The following TRAPPC11 variants were observed in gnomAD, a reference collection of about 807,000 sequenced individuals.
TRAPPC11 encodes trafficking protein particle complex subunit 11.
In TRAPPC11, 104 loss-of-function variants were observed where a neutral mutation model predicts 151.2. That is an observed-to-expected ratio of 0.69 (90% CI 0.59 to 0.81). TRAPPC11 has a LOEUF of 0.81. Among genes scored for constraint, TRAPPC11 ranks in the 30% least tolerant of loss-of-function variants. TRAPPC11 has a pLI of 0.00. For synonymous variants in TRAPPC11, 456 were observed against 472.3 expected (o/e 0.97, Z 0.45); for missense variants, 1,230 against 1,349.6 (o/e 0.91, Z 1.39).
chr4:183,659,638 A>G (rs1333808251), intron 1 of TRAPPC11, among the ~76,000 whole-genome samples, 191 bp downstream of exon 1: 1 of 152,240 alleles, frequency 6.6e-6, no homozygotes, highest in African/African-American at 2.4e-5. Context: ...CGGGGGAATA[A>G]GAGGAGGAAG....
At chr4:183,662,642 ATAAAT>A (rs1734616668) in intron 1 of TRAPPC11, among the ~76,000 whole-genome samples, 3 of 152,196 alleles carry the variant, frequency 2.0e-5, no homozygotes, top group Non-Finnish European at 4.4e-5. Context: ...AGATAATTAC[ATAAAT>A]TAAAGGCTAT....
intron 18 of TRAPPC11, among the ~76,000 whole-genome samples, chr4:183,687,626 G>A (rs1359876926): frequency 1.3e-5 from 2 of 151,984 alleles, no homozygotes; most frequent in Admixed American, 6.6e-5. Context: ...ATCACATCTG[G>A]CCTTAAATTT....
At chr4:183,665,448 G>A (rs1287072144) in intron 2 of TRAPPC11, among the ~76,000 whole-genome samples, 1 of 152,166 alleles carries the variant, frequency 6.6e-6, no homozygotes, top group Non-Finnish European at 1.5e-5. Context: ...AGGGAGCCCA[G>A]CACAAGCCCT....
chr4:183,705,352 TA>T (rs1737003963), intron 27 of TRAPPC11, among the ~76,000 whole-genome samples: 1 of 152,220 alleles, frequency 6.6e-6, no homozygotes, highest in Admixed American at 6.5e-5. Flanking sequence ...ATCACCTCTT[TA>T]AAAATTAGCA....
chr4:183,678,914 A>G (rs1320979129), intron 8 of TRAPPC11, among the ~76,000 whole-genome samples: 1 of 152,208 alleles, frequency 6.6e-6, no homozygotes, highest in Non-Finnish European at 1.5e-5. Context: ...ATTTTCAAGA[A>G]TTTCTGTAAT....
At chr4:183,706,685 G>C in intron 27 of TRAPPC11, 122 bp from the exon 28 acceptor site, 1 of 1,068,090 alleles carries the variant, frequency 9.4e-7, no homozygotes, top group South Asian at 1.7e-5. Context: ...TCCGGCAAGA[G>C]TACAGTAACG....
intron 23 of TRAPPC11, among the ~76,000 whole-genome samples, 190 bp downstream of exon 23, chr4:183,694,913 C>G (rs1026076279): frequency 4.7e-5 from 7 of 149,180 alleles, no homozygotes; most frequent in Non-Finnish European, 7.4e-5. Flanking sequence ...ACTGCTCAAA[C>G]ATTAAACAGA....
chr4:183,659,806 C>A (rs1425111614), intron 1 of TRAPPC11, among the ~76,000 whole-genome samples: 1 of 152,168 alleles, frequency 6.6e-6, no homozygotes, highest in African/African-American at 2.4e-5. Flanking sequence ...CACTGTCGTT[C>A]CTCTTTTGTT....
intron 10 of TRAPPC11, among the ~76,000 whole-genome samples, chr4:183,680,739 C>T (rs1199149507): frequency 7.9e-6 from 1 of 126,400 alleles, no homozygotes; most frequent in African/African-American, 3.2e-5. Flanking sequence ...GGCTAGAGTG[C>T]AGTGGTGCAG....
intron 28 of TRAPPC11, among the ~76,000 whole-genome samples, chr4:183,707,647 A>G (rs546849762): frequency 1.8e-4 from 28 of 152,354 alleles, no homozygotes; most frequent in African/African-American, 6.5e-4. Context: ...TATCCTGACT[A>G]ATTAACTGCT....
At chr4:183,697,655 A>T in intron 24 of TRAPPC11, 24 bp from the exon 25 acceptor site, 1 of 1,612,204 alleles carries the variant, frequency 6.2e-7, no homozygotes. Flanking sequence ...TTCCTGACAG[A>T]CCTTTTATCT....
intron 18 of TRAPPC11, among the ~76,000 whole-genome samples, chr4:183,689,343 G>A (rs1039270276): frequency 1.3e-5 from 2 of 151,784 alleles, no homozygotes; most frequent in African/African-American, 2.4e-5. Flanking sequence ...TGCTTGAATT[G>A]GTTTGCCCTC....
In TRAPPC11 at chr4:183,708,457, C is replaced by G; in HGVS notation, c.3240C>G (p.Phe1080Leu). Residue 1080 changes from phenylalanine to leucine, a missense_variant, in exon 29 of 30, where the codon TTC (phenylalanine) becomes TTG (leucine). By Grantham distance (22) the Phe-to-Leu change is conservative. Transcript: ENST00000334690. ...CGGAGCAGGAAATGCTATATAATTTCTATCCTCTGATGGCTGGATACCAGC... is the reference window on the plus strand; with the variant it reads ...CGGAGCAGGAAATGCTATATAATTTGTATCCTCTGATGGCTGGATACCAGC... ...PGTEQEMLYN[F>L]YPLMAGYQQL... 6.2e-7 allele frequency: 1 copy of G among 1,614,122 alleles called. No individual in the cohort carries two copies. The highest frequency in any genetic ancestry group is 8.5e-7 in the Non-Finnish European group (1 of 1,179,996).
chr4:183,686,545 T>A, intron 17 of TRAPPC11, 73 bp from the exon 18 acceptor site: 1 of 1,549,486 alleles, frequency 6.5e-7, no homozygotes, highest in African/African-American at 1.4e-5. Flanking sequence ...GAAGAATCAA[T>A]TTGGTTAACA....
At chr4:183,706,391 C>T (rs943126929) in intron 27 of TRAPPC11, among the ~76,000 whole-genome samples, 17 of 151,990 alleles carry the variant, frequency 1.1e-4, no homozygotes, top group South Asian at 1.0e-3. Context: ...GACATGGTGG[C>T]GGGCACCTGT....
In TRAPPC11 at chr4:183,706,957, G is replaced by C. The variant is rs1345920737; in HGVS notation, c.3189+17G>C. On this transcript the variant is annotated intron_variant, in intron 28 of 29. Coordinates refer to ENST00000334690, the MANE Select transcript of TRAPPC11 (RefSeq NM_021942.6). ...CTCAAACAGGTACAGGTCATATCTT[G>C]TGATGCTTATGTTGACACAAAAGTG... is the stretch of plus-strand genomic sequence containing the variant. The C allele has an allele frequency of 6.2e-7, 1 of 1,611,316 alleles. No homozygotes were observed. Among genetic ancestry groups the C allele is most frequent in the Non-Finnish European group, 8.5e-7 (1 of 1,178,706 alleles).
At chr4:183,680,489 G>A (rs116527562) in intron 10 of TRAPPC11, among the ~76,000 whole-genome samples, 1 of 152,058 alleles carries the variant, frequency 6.6e-6, no homozygotes, top group Non-Finnish European at 1.5e-5. Flanking sequence ...CTAATTTTTG[G>A]CAGTAAGTTA....
intron 14 of TRAPPC11, 51 bp from the exon 15 acceptor site, chr4:183,684,645 C>A: frequency 6.3e-7 from 1 of 1,589,956 alleles, no homozygotes; most frequent in Non-Finnish European, 8.6e-7. Context: ...ATGAACTCTT[C>A]GAACCCTTTC....
At chr4:183,706,721 C>A in intron 27 of TRAPPC11, 86 bp from the exon 28 acceptor site, 1 of 1,427,328 alleles carries the variant, frequency 7.0e-7, no homozygotes, top group Non-Finnish European at 9.6e-7. Flanking sequence ...ATACTATGTC[C>A]ACAGAATGAG....
Sources: gnomAD v4.1 joint callset for allele counts (sites outside exome capture counted in the v4.1 genomes callset) on GRCh38, gnomAD v4.1.1 for gene constraint, MANE v1.5 for transcripts, NCBI Gene and HGNC (gene_info 2026-07-23, HGNC 2026-07-21) for gene names.